Variants in STIM1 observed in about 807,000 individuals in gnomAD.
STIM1 encodes stromal interaction molecule 1.
In STIM1, 25 loss-of-function variants were observed where a neutral mutation model predicts 74.7. That is an observed-to-expected ratio of 0.33 (90% confidence interval 0.24 to 0.47). The LOEUF (loss-of-function observed/expected upper bound fraction) is 0.47. Ranked by LOEUF, STIM1 falls within the 20% of genes least tolerant of loss-of-function variation. The pLI is 1.00. For synonymous variants in STIM1, 328 were observed against 348.8 expected, an observed-to-expected ratio of 0.94 and a Z score of 0.66; for missense variants, 728 against 920.8, an observed-to-expected ratio of 0.79 and a Z score of 2.71.
intron 1 of STIM1, among the ~76,000 whole-genome samples, chr11:3,879,437 T>C (rs2091419508): frequency 6.6e-6 from 1 of 152,216 alleles, no homozygotes. Context: ...CTGTTTCACT[T>C]TCTGTTGGTT....
chr11:3,898,223 G>C lies in STIM1; in HGVS notation c.139+41814G>C, dbSNP rs560856187. On this transcript the variant is annotated intron_variant, in intron 1 of 12. Transcript: ENST00000526596. ...TTGCCATTCTAACTGGTGTGAGATG[G>C]TATCTCATTGTGGTTTTGATTTGCA... is the stretch of plus-strand genomic sequence containing the variant. Among the ~76,000 whole-genome samples the C allele has an allele frequency of 1.3e-3, 196 of 149,602 alleles. 2 individuals carry two copies. The highest frequency in any genetic ancestry group is 1.9e-3 in the South Asian group (9 of 4,672).
At chr11:3,977,214 G>GT (rs140193848) in intron 2 of STIM1, among the ~76,000 whole-genome samples, 3,884 of 152,320 alleles carry the variant, frequency 0.025, 148 homozygotes, top group African/African-American at 0.083. Flanking sequence ...TATAGAATAT[G>GT]TGCTTAATCA....
intron 3 of STIM1, among the ~76,000 whole-genome samples, chr11:4,033,014 C>T (rs1326750400): frequency 6.6e-6 from 1 of 151,902 alleles, no homozygotes; most frequent in East Asian, 1.9e-4. Context: ...GTCTTTAATC[C>T]ATCTTGAATT....
At chr11:3,896,609 A>G (rs1373780958) in intron 1 of STIM1, among the ~76,000 whole-genome samples, 1 of 152,248 alleles carries the variant, frequency 6.6e-6, no homozygotes, top group African/African-American at 2.4e-5. Flanking sequence ...ATTTGGTGAT[A>G]CTGCTATGGC....
intron 2 of STIM1, among the ~76,000 whole-genome samples, chr11:4,013,975 G>T (rs2093869430): frequency 6.6e-6 from 1 of 151,884 alleles, no homozygotes; most frequent in Admixed American, 6.6e-5. Flanking sequence ...CCAAAGTGCT[G>T]GGATTACAGG....
chr11:4,084,673 A>T lies in STIM1; in HGVS notation c.1475A>T (p.Tyr492Phe), dbSNP rs1310802101. ...CTTTTGGCCTGGCTGTTGACCCTAG[A>T]TGCTGCCTGGCTGATGGGGCGTAGG... is the stretch of plus-strand genomic sequence containing the variant. ...EEIVSPLSMQ[Y>F]AAWLMGRRFS... The change falls in exon 11 of 13, where the codon TAT (tyrosine) becomes TTT (phenylalanine). Residue 492 changes from tyrosine (Y) to phenylalanine (F), a missense_variant and splice_region_variant. By Grantham distance (22) the Tyr-to-Phe change is conservative. Around this residue, in one of 5 missense-constraint regions of STIM1, gnomAD observed 352 missense variants for 370.1 expected, o/e 0.95. Coordinates refer to ENST00000526596, the MANE Select transcript of STIM1 (RefSeq NM_001382567.1). The T allele has an allele frequency of 7.8e-7, 1 of 1,289,138 alleles. No individual in the cohort carries two copies. Among genetic ancestry groups the T allele is most frequent in the Non-Finnish European group, 1.0e-6 (1 of 988,834 alleles). The allele number at this position is 1,289,138 out of a possible 1,614,324, so 79.9% of individuals were successfully genotyped here. A position where few individuals can be genotyped will look rare whatever the true frequency, so the allele number is the denominator to read the frequency against.
chr11:4,079,247 C>T (rs754635335), intron 7 of STIM1, among the ~76,000 whole-genome samples: 8 of 151,700 alleles, frequency 5.3e-5, no homozygotes, highest in Non-Finnish European at 1.0e-4. Context: ...GCTGAGAGAT[C>T]GCGCCACTGC....
chr11:4,063,148 A>G (rs1362837249), intron 5 of STIM1, among the ~76,000 whole-genome samples: 3 of 152,194 alleles, frequency 2.0e-5, no homozygotes, highest in Non-Finnish European at 4.4e-5. Context: ...GCTAATAGAT[A>G]TGGCATTTCT....
chr11:4,049,987 G>A (rs774880074), intron 3 of STIM1, among the ~76,000 whole-genome samples: 2 of 152,094 alleles, frequency 1.3e-5, no homozygotes, highest in African/African-American at 4.8e-5. Flanking sequence ...TAGACTAAGC[G>A]CTATGTAAGA....
intron 1 of STIM1, among the ~76,000 whole-genome samples, chr11:3,948,287 T>A (rs763178471): frequency 1.9e-4 from 29 of 152,134 alleles, no homozygotes; most frequent in Admixed American, 1.1e-3. Flanking sequence ...CTTTGTTTTG[T>A]ATAGGTCAGT....
At chr11:4,057,213 A>T (rs529650506) in intron 4 of STIM1, among the ~76,000 whole-genome samples, 1 of 152,288 alleles carries the variant, frequency 6.6e-6, no homozygotes, top group South Asian at 2.1e-4. Context: ...GGATCCCTGG[A>T]CCATTTTCCT....
chr11:4,028,547 T>C (rs1402888271), intron 3 of STIM1, among the ~76,000 whole-genome samples: 1 of 151,946 alleles, frequency 6.6e-6, no homozygotes, highest in Non-Finnish European at 1.5e-5. Flanking sequence ...TAGCTGGGAT[T>C]ACAGGCGTGA....
At chr11:3,871,573 T>C (rs1365593470) in intron 1 of STIM1, among the ~76,000 whole-genome samples, 1 of 152,136 alleles carries the variant, frequency 6.6e-6, no homozygotes, top group Non-Finnish European at 1.5e-5. Flanking sequence ...GAATACAAGA[T>C]TTTCTAATTT....
chr11:3,935,158 A>G (rs1291471725), intron 1 of STIM1, among the ~76,000 whole-genome samples: 1 of 152,208 alleles, frequency 6.6e-6, no homozygotes, highest in Non-Finnish European at 1.5e-5. Context: ...GAGATTTCTC[A>G]TAGGGCTGAG....
intron 1 of STIM1, among the ~76,000 whole-genome samples, chr11:3,894,748 C>G (rs2092004823): frequency 6.6e-6 from 1 of 151,352 alleles, no homozygotes; most frequent in Admixed American, 6.6e-5. Context: ...TTTTTCTTTT[C>G]TTTTTTTTGA....
At chr11:4,087,217 C>T (rs2094499121) in intron 12 of STIM1, among the ~76,000 whole-genome samples, 2 of 152,130 alleles carry the variant, frequency 1.3e-5, no homozygotes, top group Non-Finnish European at 2.9e-5. Context: ...CTCTGCTGGG[C>T]ATAGGGGTTC....
chr11:4,014,673 G>A (rs1033202915), intron 2 of STIM1, among the ~76,000 whole-genome samples: 1 of 152,152 alleles, frequency 6.6e-6, no homozygotes, highest in Non-Finnish European at 1.5e-5. Flanking sequence ...CATTATTATT[G>A]TGTGGGAGTC....
intron 2 of STIM1, among the ~76,000 whole-genome samples, chr11:3,985,469 G>T (rs2093549929): frequency 6.6e-6 from 1 of 152,166 alleles, no homozygotes; most frequent in Non-Finnish European, 1.5e-5. Flanking sequence ...GGAAGTAGGG[G>T]CTGAAAGAAA....
intron 5 of STIM1, among the ~76,000 whole-genome samples, chr11:4,066,164 A>C (rs2094363927): frequency 6.6e-6 from 1 of 152,160 alleles, no homozygotes; most frequent in Non-Finnish European, 1.5e-5. Context: ...TGGTTCCCCC[A>C]GTCCCAGCCA....
Sources: gnomAD v4.1 joint callset for allele counts (sites outside exome capture counted in the v4.1 genomes callset) on GRCh38, gnomAD v4.1.1 for gene constraint, gnomAD v4.1.1 regional missense constraint, MANE v1.5 for transcripts, NCBI Gene and HGNC (gene_info 2026-07-23, HGNC 2026-07-21) for gene names.